The following SERPINB9 variants were observed in gnomAD, a reference collection of about 807,000 sequenced individuals.
SERPINB9 encodes serpin B9.
Under a neutral mutation model 27.2 loss-of-function variants are expected in SERPINB9, and 20 were observed. That is an observed-to-expected ratio of 0.74 (90% CI 0.52 to 1.07). SERPINB9 has a LOEUF of 1.07. Ranked by LOEUF, SERPINB9 falls within the 50% of genes least tolerant of loss-of-function variation. SERPINB9 has a pLI of 0.00. For missense variants in SERPINB9, 476 were observed against 460.1 expected, an observed-to-expected ratio of 1.03 and a Z score of -0.32; for synonymous variants, 189 against 180.0, an observed-to-expected ratio of 1.05 and a Z score of -0.40.
In SERPINB9 at chr6:2,890,699, C is replaced by T. The variant is rs1767770073; in HGVS notation, c.724-129G>A. The T allele has an allele frequency of 9.4e-6, 8 of 848,768 alleles. No individual in the cohort carries two copies. The South Asian group carries it at 1.2e-4, about 13-fold the overall frequency. The allele number at this position is 848,768 out of a possible 1,614,324, so 52.6% of individuals were successfully genotyped here. On this transcript the variant is annotated intron_variant, in intron 6 of 6. Coordinates refer to ENST00000380698, the MANE Select transcript of SERPINB9 (RefSeq NM_004155.6). The surrounding 1 kb of genome is among the most constrained non-coding windows in gnomAD (Gnocchi z 6.2). ...GTTCACATAGGATCAGTGGCCCCTT[C>T]ATCTGCCAGAAGCTTGTGAGCACTC...
intron 2 of SERPINB9, among the ~76,000 whole-genome samples, chr6:2,897,733 AAC>A (rs1768047529): frequency 1.3e-5 from 2 of 152,208 alleles, no homozygotes; most frequent in Non-Finnish European, 2.9e-5. Flanking sequence ...TTTAAAAGAA[AAC>A]ACACATACAT....
rs1288345387 is a variant in SERPINB9, at chr6:2,888,901, TAA to T, written c.*1260_*1261del. 1.3e-5 allele frequency: 2 copies of T among 151,776 alleles called. No homozygotes were observed. The highest frequency in any genetic ancestry group is 2.4e-5 in the African/African-American group (1 of 41,260). 9.4% of individuals were successfully genotyped at this position (151,776 alleles called of 1,614,324 possible). On this transcript the variant is annotated 3_prime_UTR_variant, in exon 7 of 7. Coordinates refer to ENST00000380698, the MANE Select transcript of SERPINB9 (RefSeq NM_004155.6). ...AGTGATATCCAACCATTAAAAAATATAAGTTACATAGCTCGTATATAATCAAC... is the reference window on the plus strand; with the variant it reads ...AGTGATATCCAACCATTAAAAAATATGTTACATAGCTCGTATATAATCAAC...
In SERPINB9 at chr6:2,890,570, C is replaced by T; in HGVS notation, c.724G>A (p.Val242Met). 6.2e-7 allele frequency: 1 copy of T among 1,605,298 alleles called. No individual in the cohort carries two copies. Among genetic ancestry groups the T allele is most frequent in the Non-Finnish European group, 8.5e-7 (1 of 1,173,406 alleles). The change falls in exon 7 of 7, where the codon GTG (valine) becomes ATG (methionine). Residue 242 changes from valine to methionine, a missense_variant and splice_region_variant. By Grantham distance (21) the Val-to-Met change is conservative (BLOSUM62 1). Coordinates refer to ENST00000380698, the MANE Select transcript of SERPINB9 (RefSeq NM_004155.6). The surrounding 1 kb of genome is among the most constrained non-coding windows in gnomAD (Gnocchi z 6.2). Reference protein sequence around the residue: ...LPDDGVELSTVEKSLTFEKLT... With the variant: ...LPDDGVELSTMEKSLTFEKLT... ...TTCTCAAAAGTGAGACTTTTTTCCACCTGAAAGACCAGAATTAGACTTTAA... is the reference window on the plus strand; with the variant it reads ...TTCTCAAAAGTGAGACTTTTTTCCATCTGAAAGACCAGAATTAGACTTTAA...
At position 2,900,885 on chromosome 6, in the gene SERPINB9, T is replaced by TCTCTCTCACACA. The variant is rs61100591; in HGVS notation, c.-10-265_-10-264insTGTGTGAGAGAG. Among the ~76,000 whole-genome samples the TCTCTCTCACACA allele has an allele frequency of 1.8e-3, 248 of 141,574 alleles. 1 individual carries two copies. The highest frequency in any genetic ancestry group is 6.4e-3 in the African/African-American group (228 of 35,844). 92.9% of individuals were successfully genotyped at this position (141,574 alleles called of 152,430 possible). ...TGGCTCGCCTGCAGAGCTCGCTCTC[T>TCTCTCTCACACA]CACACACACACACACACACACACAC... On this transcript the variant is annotated intron_variant, in intron 1 of 6. Transcript: ENST00000380698.
At chr6:2,902,709 G>A (rs1768245485) in intron 1 of SERPINB9, among the ~76,000 whole-genome samples, 1 of 151,956 alleles carries the variant, frequency 6.6e-6, no homozygotes. Flanking sequence ...GTAGAGACCG[G>A]TTTTCACCAC....
intron 1 of SERPINB9, among the ~76,000 whole-genome samples, chr6:2,902,489 T>G (rs756886291): frequency 3.3e-5 from 5 of 152,052 alleles, no homozygotes; most frequent in Non-Finnish European, 7.4e-5. Flanking sequence ...GCTTTATTTT[T>G]TTGTTGTTGT....
chr6:2,901,683 G>A (rs527522094), intron 1 of SERPINB9, among the ~76,000 whole-genome samples: 2 of 152,136 alleles, frequency 1.3e-5, no homozygotes, highest in South Asian at 4.2e-4. Flanking sequence ...TCCTCCAGGT[G>A]AGCCTGGGAG....
intron 2 of SERPINB9, among the ~76,000 whole-genome samples, chr6:2,896,949 G>A (rs1768020077): frequency 6.6e-6 from 1 of 151,756 alleles, no homozygotes; most frequent in South Asian, 2.1e-4. Flanking sequence ...AGGCTAGCCT[G>A]GGCAACATTG....
At position 2,889,928 on chromosome 6, in the gene SERPINB9, T is replaced by A. The variant is rs1429884891; in HGVS notation, c.*235A>T. 1 of 431,088 alleles carries A rather than the reference T, an allele frequency of 2.3e-6. No individual in the cohort carries two copies. 26.7% of individuals were successfully genotyped at this position (431,088 alleles called of 1,614,324 possible). On this transcript the variant is annotated 3_prime_UTR_variant, in exon 7 of 7. Coordinates refer to ENST00000380698, the MANE Select transcript of SERPINB9 (RefSeq NM_004155.6). ...GCTTGCCATCCTATGGGATTTGGAC[T>A]GCAATTTTAATACAACAGGGAATCA...
At position 2,890,581 on chromosome 6, in the gene SERPINB9, A is replaced by G. The variant is rs754363809; in HGVS notation, c.724-11T>C. The G allele has an allele frequency of 1.3e-6, 2 of 1,599,322 alleles. No individual in the cohort carries two copies. Among genetic ancestry groups the G allele is most frequent in the Non-Finnish European group, 1.7e-6 (2 of 1,170,054 alleles). On this transcript the variant is annotated splice_polypyrimidine_tract_variant and intron_variant, in intron 6 of 6. Coordinates refer to ENST00000380698, the MANE Select transcript of SERPINB9 (RefSeq NM_004155.6). The surrounding 1 kb of genome is among the most constrained non-coding windows in gnomAD (Gnocchi z 6.2). ...GAGACTTTTTTCCACCTGAAAGACC[A>G]GAATTAGACTTTAAGATTCCGACTT...
At chr6:2,895,369 T>C in intron 4 of SERPINB9, 22 bp downstream of exon 4, 2 of 1,514,370 alleles carry the variant, frequency 1.3e-6, no homozygotes, top group Non-Finnish European at 1.8e-6. Context: ...GGGAGGAAGG[T>C]GCAATAACTT....
chr6:2,891,969 T>A lies in SERPINB9; in HGVS notation c.587A>T (p.Gln196Leu), dbSNP rs746567758. 3 of 1,613,796 alleles carry A rather than the reference T, an allele frequency of 1.9e-6. No individual in the cohort carries two copies. The highest frequency in any genetic ancestry group is 4.5e-5 in the East Asian group (2 of 44,868). ...AAACGTGGCCTCCTGATACATCATC[T>A]GCACTGGCCTTTGCTCCTCCTGGGG... ...KINQEEQRPVQMMYQEATFKL... is the reference protein window; with the variant it reads ...KINQEEQRPVLMMYQEATFKL... Residue 196 changes from glutamine (Q) to leucine (L), a missense_variant, in exon 6 of 7, where the codon CAG (glutamine) becomes CTG (leucine). By Grantham distance (113) the Gln-to-Leu change is moderately radical. Coordinates refer to ENST00000380698, the MANE Select transcript of SERPINB9 (RefSeq NM_004155.6). The surrounding 1 kb of genome is among the most constrained non-coding windows in gnomAD (Gnocchi z 4.0).
chr6:2,893,679 T>A, intron 4 of SERPINB9, 126 bp from the exon 5 acceptor site: 1 of 754,032 alleles, frequency 1.3e-6, no homozygotes. Context: ...GGTTGTTATG[T>A]AGAGAAATAA....
intron 2 of SERPINB9, among the ~76,000 whole-genome samples, chr6:2,898,589 G>T (rs572160950): frequency 6.6e-6 from 1 of 152,216 alleles, no homozygotes; most frequent in Non-Finnish European, 1.5e-5. Flanking sequence ...AGGCCAAGGC[G>T]GGTGGATCAC....
At chr6:2,892,489 T>C (rs759711082) in intron 5 of SERPINB9, among the ~76,000 whole-genome samples, 2 of 152,194 alleles carry the variant, frequency 1.3e-5, no homozygotes, top group Non-Finnish European at 2.9e-5. Context: ...ACATATGTAG[T>C]AATGTATTTT....
intron 2 of SERPINB9, among the ~76,000 whole-genome samples, chr6:2,898,540 G>A (rs536690948): frequency 1.3e-5 from 2 of 152,272 alleles, no homozygotes; most frequent in African/African-American, 4.8e-5. Flanking sequence ...AAATAGGGCC[G>A]GGCGCAGTGG....
At chr6:2,900,880 C>CTG (rs1372841820) in intron 1 of SERPINB9, among the ~76,000 whole-genome samples, 3 of 100,734 alleles carry the variant, frequency 3.0e-5, no homozygotes, top group Admixed American at 2.7e-4. Flanking sequence ...GCAGAGCTCG[C>CTG]TCTCTCACAC....
In SERPINB9 at chr6:2,887,435, G is replaced by C. The variant is rs1184267903; in HGVS notation, c.*2728C>G. ...GTAGGTGTATGAATGACAATTCATA[G>C]ATGAGGAAATTCAAGAGCCAATAAA... On this transcript the variant is annotated 3_prime_UTR_variant, in exon 7 of 7. Transcript: ENST00000380698. 6.6e-6 allele frequency: 1 copy of C among 152,192 alleles called. No individual in the cohort carries two copies. Among genetic ancestry groups the C allele is most frequent in the Non-Finnish European group, 1.5e-5 (1 of 68,030 alleles). The allele number at this position is 152,192 out of a possible 1,614,324, so 9.4% of individuals were successfully genotyped here.
chr6:2,900,072 A>C (rs946488713), intron 2 of SERPINB9: 4 of 365,036 alleles, frequency 1.1e-5, no homozygotes, highest in Non-Finnish European at 2.2e-5. Context: ...AACCTTCCTT[A>C]CCAATGAAAG....
Sources: allele counts gnomAD v4.1 joint callset (sites outside exome capture counted in the v4.1 genomes callset), GRCh38; gene constraint gnomAD v4.1.1; non-coding constraint Gnocchi (gnomAD v3.1); transcripts MANE v1.5; gene names NCBI Gene and HGNC (gene_info 2026-07-23, HGNC 2026-07-21).